Variants in ECPAS observed in about 807,000 individuals in gnomAD.
ECPAS encodes Ecm29 proteasome adaptor and scaffold.
In ECPAS, 70 loss-of-function variants were observed where a neutral mutation model predicts 255.1. The ratio of observed to expected loss-of-function variants is 0.27; its 90% CI spans 0.23 to 0.33. The LOEUF (loss-of-function observed/expected upper bound fraction) is 0.33, where lower values mean the gene tolerates loss of function less well. ECPAS is among the 10% of genes least tolerant of loss of function. The pLI is 1.00. For missense variants in ECPAS, 1,817 were observed against 2,206.4 expected (o/e 0.82, Z 3.54); for synonymous variants, 784 against 775.0 (o/e 1.01, Z -0.19).
At chr9:111,432,638 T>C (rs936162631) in intron 8 of ECPAS, among the ~76,000 whole-genome samples, 3 of 152,238 alleles carry the variant, frequency 2.0e-5, no homozygotes, top group Non-Finnish European at 4.4e-5. Context: ...TAAATAAAAA[T>C]AAAAATCGCA....
At chr9:111,479,537 G>A (rs2098300959) in intron 1 of ECPAS, among the ~76,000 whole-genome samples, 2 of 152,052 alleles carry the variant, frequency 1.3e-5, no homozygotes, top group African/African-American at 2.4e-5. Context: ...AGGTTGCAGT[G>A]AGCCAAGATG....
intron 21 of ECPAS, among the ~76,000 whole-genome samples, chr9:111,411,375 T>C (rs1199733607): frequency 6.6e-6 from 1 of 152,240 alleles, no homozygotes; most frequent in Non-Finnish European, 1.5e-5. Flanking sequence ...CTTTAAGATT[T>C]ACATTCTGTA....
At chr9:111,377,080 C>A (rs1216326030) in intron 36 of ECPAS, among the ~76,000 whole-genome samples, 4 of 152,220 alleles carry the variant, frequency 2.6e-5, no homozygotes, top group East Asian at 3.9e-4. Context: ...TTTATGTTTC[C>A]AAATTCTCAA....
chr9:111,363,107 T>TCCCCCCCCC (rs3837271), intron 49 of ECPAS, among the ~76,000 whole-genome samples: 1 of 146,756 alleles, frequency 6.8e-6, no homozygotes, highest in Non-Finnish European at 1.5e-5. Context: ...TGCTAACAGT[T>TCCCCCCCCC]CCCCCCCACC....
intron 3 of ECPAS, among the ~76,000 whole-genome samples, chr9:111,449,922 T>A (rs2098258062): frequency 6.6e-6 from 1 of 152,180 alleles, no homozygotes; most frequent in South Asian, 2.1e-4. Context: ...GGGTCTATCT[T>A]CAATGGTCTC....
intron 45 of ECPAS, among the ~76,000 whole-genome samples, chr9:111,369,505 T>C (rs893017119): frequency 6.6e-6 from 1 of 152,178 alleles, no homozygotes; most frequent in Non-Finnish European, 1.5e-5. Context: ...CCAAACTCTT[T>C]CTTGATAGAG....
At chr9:111,434,811 T>A (rs1224472134) in intron 7 of ECPAS, among the ~76,000 whole-genome samples, 1 of 151,162 alleles carries the variant, frequency 6.6e-6, no homozygotes, top group Non-Finnish European at 1.5e-5. Flanking sequence ...TTGGTCAGGC[T>A]AGCCTCGAAC....
At chr9:111,450,911 T>A (rs978832072) in intron 3 of ECPAS, among the ~76,000 whole-genome samples, 1 of 152,082 alleles carries the variant, frequency 6.6e-6, no homozygotes, top group Non-Finnish European at 1.5e-5. Context: ...GGTGATAGAG[T>A]GAGACCCTAT....
At chr9:111,436,654 AT>A (rs1261372208) in intron 7 of ECPAS, among the ~76,000 whole-genome samples, 4 of 152,232 alleles carry the variant, frequency 2.6e-5, no homozygotes, top group South Asian at 2.1e-4. Context: ...ATAAAAAAAA[AT>A]AAAATGACAA....
intron 36 of ECPAS, among the ~76,000 whole-genome samples, chr9:111,378,251 G>C (rs988534851): frequency 1.3e-5 from 2 of 152,128 alleles, no homozygotes; most frequent in African/African-American, 2.4e-5. Flanking sequence ...CCAAAGTCTA[G>C]GTGCAAATAC....
At chr9:111,426,352 CAA>C (rs2098221522) in intron 10 of ECPAS, among the ~76,000 whole-genome samples, 1 of 139,300 alleles carries the variant, frequency 7.2e-6, no homozygotes, top group Non-Finnish European at 1.5e-5. Flanking sequence ...CTTTTTATGA[CAA>C]AGATTACTTA....
chr9:111,445,923 T>C (rs759166344), intron 3 of ECPAS, among the ~76,000 whole-genome samples: 1 of 151,934 alleles, frequency 6.6e-6, no homozygotes, highest in Non-Finnish European at 1.5e-5. Flanking sequence ...TGAGAAGATG[T>C]GGTGTTTGGT....
intron 24 of ECPAS, among the ~76,000 whole-genome samples, chr9:111,399,906 T>C (rs1303251141): frequency 6.6e-6 from 1 of 152,218 alleles, no homozygotes; most frequent in Non-Finnish European, 1.5e-5. Flanking sequence ...TCAGCGGCAG[T>C]CAGGTGGCCA....
chr9:111,414,733 T>G, intron 18 of ECPAS, 82 bp from the exon 19 acceptor site: 1 of 1,229,462 alleles, frequency 8.1e-7, no homozygotes, highest in Non-Finnish European at 1.1e-6. Flanking sequence ...TAACAATTTC[T>G]AGTTTTGATT....
At chr9:111,465,465 G>A (rs1275916496) in intron 2 of ECPAS, among the ~76,000 whole-genome samples, 1 of 151,954 alleles carries the variant, frequency 6.6e-6, no homozygotes, top group African/African-American at 2.4e-5. Flanking sequence ...GCTTGAACCT[G>A]GGAGAAGGAG....
intron 25 of ECPAS, among the ~76,000 whole-genome samples, chr9:111,395,791 CAGG>C (rs2098166732): frequency 6.6e-6 from 1 of 152,202 alleles, no homozygotes; most frequent in African/African-American, 2.4e-5. Flanking sequence ...ATTCCCACTT[CAGG>C]TTTGGTTGTC....
At chr9:111,407,840 G>C (rs2131701712) in intron 24 of ECPAS, among the ~76,000 whole-genome samples, 1 of 152,286 alleles carries the variant, frequency 6.6e-6, no homozygotes, top group South Asian at 2.1e-4. Flanking sequence ...CTAGGCACTT[G>C]TTTTACAACA....
intron 37 of ECPAS, among the ~76,000 whole-genome samples, chr9:111,376,032 A>T (rs1381878336): frequency 1.3e-5 from 2 of 152,230 alleles, no homozygotes; most frequent in African/African-American, 4.8e-5. Flanking sequence ...CCTTTACTGC[A>T]AATGCCTTCC....
At chr9:111,416,864 T>C (rs1589166793) in intron 17 of ECPAS, among the ~76,000 whole-genome samples, 1 of 152,152 alleles carries the variant, frequency 6.6e-6, no homozygotes, top group Admixed American at 6.5e-5. Flanking sequence ...AGGGGGTGGA[T>C]GGTCATTACT....
Sources: gnomAD v4.1 joint callset for allele counts (sites outside exome capture counted in the v4.1 genomes callset) on GRCh38, gnomAD v4.1.1 for gene constraint, MANE v1.5 for transcripts, NCBI Gene and HGNC (gene_info 2026-07-23, HGNC 2026-07-21) for gene names.